Variants in ZFHX3 observed in about 807,000 individuals in gnomAD.
ZFHX3 encodes the protein zinc finger homeobox 3, also known as zinc finger homeobox protein 3.
ZFHX3 carries 42 observed loss-of-function variants against 279.1 expected under a neutral mutation model. That is an observed-to-expected ratio of 0.15 (90% confidence interval 0.12 to 0.19). The LOEUF (loss-of-function observed/expected upper bound fraction) is 0.19. Ranked by LOEUF, ZFHX3 falls within the 10% of genes least tolerant of loss-of-function variation. The probability of loss-of-function intolerance (pLI) is 1.00; values close to 1 mark genes in which losing one functional copy is unlikely to be tolerated. For synonymous variants in ZFHX3, 2,293 were observed against 1,957.8 expected (o/e 1.17, Z -4.52); for missense variants, 4,981 against 4,754.0 (o/e 1.05, Z -1.40).
rs1419711953 is a variant in ZFHX3 at position 73,286,567 on chromosome 16, GGCTGTGTGGGTCTCTGCGTA to G, written c.-1193-29451_-1193-29432del. The stretch of plus-strand genomic sequence containing the variant: ...TGTGTGGGTGTGTGCGTTGGTGTGT[GGCTGTGTGGGTCTCTGCGTA>G]GCTGTGTGGGTCTCTGCGTAGCTGT... On this transcript the variant is annotated intron_variant, in intron 4 of 17. Transcript: ENST00000641206. Among the ~76,000 whole-genome samples, 1,143 of 151,918 alleles carry G rather than the reference GGCTGTGTGGGTCTCTGCGTA, an allele frequency of 7.5e-3. 15 individuals carry two copies. The highest frequency in any genetic ancestry group is 0.026 in the African/African-American group (1,080 of 41,378).
intron 2 of ZFHX3, among the ~76,000 whole-genome samples, chr16:73,654,465 A>G (rs1169188078): frequency 6.6e-6 from 1 of 152,120 alleles, no homozygotes; most frequent in African/African-American, 2.4e-5. Context: ...AGTTCTTTTT[A>G]TGAGGGCAAC....
chr16:73,585,352 G>C (rs563079052), intron 2 of ZFHX3, among the ~76,000 whole-genome samples: 1 of 152,210 alleles, frequency 6.6e-6, no homozygotes, highest in African/African-American at 2.4e-5. Flanking sequence ...GGAGGCGGAG[G>C]TTGCAGTGAG....
At chr16:73,213,640 A>T (rs1597223437) in intron 5 of ZFHX3, among the ~76,000 whole-genome samples, 1 of 152,146 alleles carries the variant, frequency 6.6e-6, no homozygotes, top group Non-Finnish European at 1.5e-5. Context: ...GCATGATAAT[A>T]AGAACTACTT....
intron 3 of ZFHX3, among the ~76,000 whole-genome samples, chr16:72,905,031 G>A (rs1415542189): frequency 6.6e-6 from 1 of 152,020 alleles, no homozygotes; most frequent in African/African-American, 2.4e-5. Flanking sequence ...GTAGAGACGG[G>A]GTTTCATCAT....
intron 1 of ZFHX3, among the ~76,000 whole-genome samples, chr16:72,987,501 T>C (rs1279137167): frequency 6.6e-6 from 1 of 152,138 alleles, no homozygotes; most frequent in African/African-American, 2.4e-5. Flanking sequence ...TTTCTTCCCA[T>C]TCAGCTGCAA....
chr16:73,585,565 C>A (rs1230851276), intron 2 of ZFHX3, among the ~76,000 whole-genome samples: 1 of 152,114 alleles, frequency 6.6e-6, no homozygotes, highest in African/African-American at 2.4e-5. Context: ...ACCTATGTAA[C>A]AAACCTGCAC....
intron 1 of ZFHX3, among the ~76,000 whole-genome samples, chr16:73,749,361 A>T (rs116992168): frequency 1.3e-5 from 2 of 151,684 alleles, no homozygotes; most frequent in African/African-American, 4.9e-5. Context: ...CACCACCACC[A>T]CTTCCAGGTA....
At chr16:73,570,974 A>G (rs1034536571) in intron 2 of ZFHX3, among the ~76,000 whole-genome samples, 2 of 150,930 alleles carry the variant, frequency 1.3e-5, no homozygotes, top group South Asian at 2.1e-4. Flanking sequence ...ATCTGCAAAC[A>G]CTGTGTTAAG....
chr16:73,408,332 C>T (rs953245679), intron 3 of ZFHX3, among the ~76,000 whole-genome samples: 4 of 152,166 alleles, frequency 2.6e-5, no homozygotes, highest in East Asian at 1.9e-4. Context: ...GAAATCAACT[C>T]GGACAAGCCA....
At position 72,972,049 on chromosome 16, in the gene ZFHX3, G is replaced by A. The variant is rs571226772; in HGVS notation, c.-49-11855C>T. ...TACAGGTGCAGGTGTGCACCATCAC[G>A]GCCGGCTAATTTTTTGTAGTTTTAG... is the stretch of plus-strand genomic sequence containing the variant. On this transcript the variant is annotated intron_variant, in intron 1 of 9. Transcript: ENST00000268489. 2.6e-4 allele frequency among the ~76,000 whole-genome samples: 39 copies of A among 151,826 alleles called. 1 individual carries two copies. The highest frequency in any genetic ancestry group is 8.9e-4 in the African/African-American group (37 of 41,392).
chr16:73,719,088 A>C (rs1314542398), intron 1 of ZFHX3, among the ~76,000 whole-genome samples: 1 of 152,200 alleles, frequency 6.6e-6, no homozygotes, highest in East Asian at 1.9e-4. Context: ...ACTGGATTCA[A>C]ATCTCCCTGT....
At chr16:72,849,702 A>G (rs929704140) in intron 4 of ZFHX3, among the ~76,000 whole-genome samples, 5 of 152,022 alleles carry the variant, frequency 3.3e-5, no homozygotes, top group Non-Finnish European at 7.4e-5. Flanking sequence ...TCTTATTGGC[A>G]TATCAATTAA....
intron 1 of ZFHX3, among the ~76,000 whole-genome samples, chr16:73,739,024 T>C (rs2053631703): frequency 6.6e-6 from 1 of 152,180 alleles, no homozygotes; most frequent in African/African-American, 2.4e-5. Context: ...GCACCAGCAA[T>C]GCCATCTCCT....
intron 4 of ZFHX3, among the ~76,000 whole-genome samples, chr16:72,844,700 C>A (rs77631158): frequency 6.6e-6 from 1 of 152,066 alleles, no homozygotes; most frequent in Admixed American, 6.5e-5. Context: ...GCTTAGAGGT[C>A]GTTAAACCAT....
At chr16:73,059,552 C>G (rs920720394) in exon 1 of ZFHX3, 2 of 149,140 alleles carry the variant, frequency 1.3e-5, no homozygotes, top group Non-Finnish European at 3.0e-5. Context: ...CTCTCTCTCT[C>G]TCTCTCTCTC....
intron 1 of ZFHX3, among the ~76,000 whole-genome samples, chr16:73,011,859 T>C (rs1425522893): frequency 6.6e-6 from 1 of 152,118 alleles, no homozygotes; most frequent in African/African-American, 2.4e-5. Context: ...GGGATACCTT[T>C]TTTTATCTTG....
Position 72,798,147 on chromosome 16 carries a change from G to A in ZFHX3, c.4535C>T (p.Ser1512Leu), listed in dbSNP as rs2035979138. ...CTCTGAGCCCGAGTCTTCTTGTACT[G>A]ACCCAGAGTCACTGCCCGTTGGGCT... ...KQSPTGSDSG[S>L]VQEDSGSEPK... is the part of the protein sequence containing the mutation. Residue 1512 changes from serine to leucine, a missense_variant, in exon 9 of 10, where the codon TCA becomes TTA. By Grantham distance (145) the Ser-to-Leu change is moderately radical. Transcript: ENST00000268489. 6.2e-7 allele frequency: 1 copy of A among 1,614,176 alleles called. No individual in the cohort carries two copies. Among genetic ancestry groups the A allele is most frequent in the African/African-American group, 1.3e-5 (1 of 75,044 alleles).
intron 5 of ZFHX3, among the ~76,000 whole-genome samples, chr16:73,239,099 C>A (rs182785072): frequency 3.1e-4 from 47 of 152,206 alleles, no homozygotes; most frequent in African/African-American, 1.0e-3. Flanking sequence ...GCACAGATCC[C>A]AAAATAAACT....
At chr16:73,618,336 A>C (rs2052325685) in intron 2 of ZFHX3, among the ~76,000 whole-genome samples, 2 of 152,180 alleles carry the variant, frequency 1.3e-5, no homozygotes, top group South Asian at 4.1e-4. Context: ...CCACAAATGC[A>C]AAGATAGATA....
Sources: allele counts gnomAD v4.1 joint callset (sites outside exome capture counted in the v4.1 genomes callset), GRCh38; gene constraint gnomAD v4.1.1; transcripts MANE v1.5; gene names NCBI Gene and HGNC (gene_info 2026-07-23, HGNC 2026-07-21).